The following NSUN3 variants were observed in gnomAD, a reference collection of about 807,000 sequenced individuals.
NSUN3 encodes NOP2/Sun RNA methyltransferase 3, also known as tRNA (cytosine(34)-C(5))-methyltransferase, mitochondrial.
Under a neutral mutation model 36.8 loss-of-function variants are expected in NSUN3, and 24 were observed. That is an observed-to-expected ratio of 0.65 (90% CI 0.47 to 0.92). The LOEUF (loss-of-function observed/expected upper bound fraction) is 0.92, where lower values mean the gene tolerates loss of function less well. Among genes scored for constraint, NSUN3 ranks in the 40% least tolerant of loss-of-function variants. The probability of loss-of-function intolerance (pLI) is 0.00; values close to 1 mark genes in which losing one functional copy is unlikely to be tolerated. For synonymous variants in NSUN3, 146 were observed against 145.2 expected (o/e 1.01, Z -0.04); for missense variants, 381 against 392.8 (o/e 0.97, Z 0.25).
chr3:94,081,176 C>A (rs1019040947), intron 2 of NSUN3, among the ~76,000 whole-genome samples: 26 of 152,226 alleles, frequency 1.7e-4, no homozygotes, highest in African/African-American at 6.3e-4. Flanking sequence ...TTCCCCAACC[C>A]CTTGCACTTC....
chr3:94,076,011 A>C, intron 2 of NSUN3: 1 of 1,607,964 alleles, frequency 6.2e-7, no homozygotes, highest in South Asian at 1.1e-5. Flanking sequence ...TCTGATACAG[A>C]ACAAATCACC....
At chr3:94,115,166 G>A (rs1232819859) in intron 5 of NSUN3, among the ~76,000 whole-genome samples, 7 of 152,122 alleles carry the variant, frequency 4.6e-5, no homozygotes, top group African/African-American at 1.7e-4. Context: ...ATAAGTTGCA[G>A]ATAGCTTTAT....
chr3:94,077,148 A>C, intron 2 of NSUN3: 2 of 732,400 alleles, frequency 2.7e-6, no homozygotes, highest in Non-Finnish European at 5.1e-6. Context: ...CCACTGCGTC[A>C]TCAAAGGCTG....
At chr3:94,063,708 C>T (rs936442487) in intron 1 of NSUN3, 1 of 152,662 alleles carries the variant, frequency 6.6e-6, no homozygotes, top group African/African-American at 2.4e-5. Flanking sequence ...ACCTTGAACT[C>T]CTGGGTTCAA....
At chr3:94,072,105 T>G (rs1008786932) in intron 2 of NSUN3, among the ~76,000 whole-genome samples, 1 of 152,178 alleles carries the variant, frequency 6.6e-6, no homozygotes, top group Admixed American at 6.5e-5. Context: ...TTGCAGCTGC[T>G]TCTATAGGCA....
intron 2 of NSUN3, among the ~76,000 whole-genome samples, chr3:94,074,589 G>A (rs2077238986): frequency 6.6e-6 from 1 of 152,182 alleles, no homozygotes; most frequent in Non-Finnish European, 1.5e-5. Context: ...GTTCACTCAT[G>A]ATTTGGCTGT....
intron 5 of NSUN3, among the ~76,000 whole-genome samples, chr3:94,113,735 CAG>C (rs1026126859): frequency 7.3e-4 from 111 of 152,192 alleles, no homozygotes; most frequent in African/African-American, 2.6e-3. Flanking sequence ...CTGAGGAAAA[CAG>C]TATTTTTATC....
intron 2 of NSUN3, among the ~76,000 whole-genome samples, chr3:94,083,770 C>G (rs747611698): frequency 1.5e-4 from 23 of 152,076 alleles, no homozygotes; most frequent in Non-Finnish European, 2.9e-4. Context: ...ATTTAGTTCT[C>G]GGAAGTCAGT....
chr3:94,088,891 G>A (rs1275493209), intron 3 of NSUN3, among the ~76,000 whole-genome samples: 2 of 151,834 alleles, frequency 1.3e-5, no homozygotes, highest in East Asian at 1.9e-4. Context: ...CTGGTCTCGA[G>A]CTCCTGACCT....
At chr3:94,126,084 C>A in intron 5 of NSUN3, 127 bp from the exon 6 acceptor site, 19 of 676,802 alleles carry the variant, frequency 2.8e-5, no homozygotes, top group African/African-American at 5.6e-5. Context: ...GACTAGAAAA[C>A]ATCCAAAGTA....
intron 5 of NSUN3, among the ~76,000 whole-genome samples, chr3:94,110,735 TACACAC>T (rs145414941): frequency 1.7e-4 from 25 of 143,144 alleles, no homozygotes; most frequent in South Asian, 4.5e-4. Flanking sequence ...TATACATGTA[TACACAC>T]ACACACACAC....
intron 5 of NSUN3, among the ~76,000 whole-genome samples, chr3:94,118,384 TCTA>T (rs1279093734): frequency 6.6e-6 from 1 of 152,230 alleles, no homozygotes; most frequent in Non-Finnish European, 1.5e-5. Context: ...TACTTTTGCT[TCTA>T]CTGTTGTTAG....
At position 94,063,236 on chromosome 3, in the gene NSUN3, CCTT is replaced by C. The variant is rs985849541; in HGVS notation, c.12+99_12+101del. The C allele has an allele frequency of 1.4e-5, 17 of 1,188,008 alleles. No individual in the cohort carries two copies. In the East Asian group the frequency reaches 4.0e-4, roughly 28 times the overall value. The allele number at this position is 1,188,008 out of a possible 1,614,324, so 73.6% of individuals were successfully genotyped here. A position where few individuals can be genotyped will look rare whatever the true frequency, so the allele number is the denominator to read the frequency against. ...AGGGTGCTGGGATGGGGGAACATCA[CCTT>C]TGTTCGTCCCCTCGCGAGATCAGCG... On this transcript the variant is annotated intron_variant, in intron 1 of 5. Transcript: ENST00000314622.
chr3:94,102,930 A>T (rs544073407), intron 5 of NSUN3, among the ~76,000 whole-genome samples: 113 of 152,182 alleles, frequency 7.4e-4, no homozygotes, highest in African/African-American at 2.7e-3. Flanking sequence ...TCTGTTGCCC[A>T]GGCTGGAGTG....
At chr3:94,117,029 C>T (rs926786804) in intron 5 of NSUN3, among the ~76,000 whole-genome samples, 4 of 122,372 alleles carry the variant, frequency 3.3e-5, no homozygotes, top group South Asian at 5.6e-4. Context: ...GACAGAATCT[C>T]GCTCTATCAT....
intron 3 of NSUN3, among the ~76,000 whole-genome samples, chr3:94,086,514 G>A (rs1299956303): frequency 1.3e-5 from 2 of 152,226 alleles, no homozygotes; most frequent in East Asian, 1.9e-4. Flanking sequence ...AGGCATGTAT[G>A]TTCCAGTTTG....
intron 2 of NSUN3, among the ~76,000 whole-genome samples, chr3:94,072,591 A>G (rs1362185292): frequency 2.0e-5 from 3 of 152,154 alleles, no homozygotes; most frequent in South Asian, 4.1e-4. Context: ...AGGAAAGGTT[A>G]TTCAGGGAGG....
chr3:94,083,699 G>A (rs1321056133), intron 2 of NSUN3, among the ~76,000 whole-genome samples: 1 of 152,190 alleles, frequency 6.6e-6, no homozygotes, highest in Non-Finnish European at 1.5e-5. Flanking sequence ...GGTTTGCAAA[G>A]GGAGTAGCGC....
chr3:94,071,588 T>C (rs553348878), intron 2 of NSUN3, among the ~76,000 whole-genome samples: 2 of 152,138 alleles, frequency 1.3e-5, no homozygotes, highest in African/African-American at 2.4e-5. Context: ...TTTAAACATA[T>C]GGTGAGATTT....
Sources: allele counts gnomAD v4.1 joint callset (sites outside exome capture counted in the v4.1 genomes callset), GRCh38; gene constraint gnomAD v4.1.1; transcripts MANE v1.5; gene names NCBI Gene and HGNC (gene_info 2026-07-23, HGNC 2026-07-21).